MAP2: variants seen among roughly 807,000 people sequenced by gnomAD.
The protein encoded by MAP2 is microtubule associated protein 2.
In MAP2, 14 loss-of-function variants were observed where a neutral mutation model predicts 137.6. That is an observed-to-expected ratio of 0.10 (90% CI 0.07 to 0.16). The LOEUF (loss-of-function observed/expected upper bound fraction) is 0.16, where lower values mean the gene tolerates loss of function less well. MAP2 is among the 10% of genes least tolerant of loss of function. The probability of loss-of-function intolerance (pLI) is 1.00; values close to 1 mark genes in which losing one functional copy is unlikely to be tolerated. For missense variants in MAP2, 2,088 were observed against 2,191.5 expected, an observed-to-expected ratio of 0.95 and a Z score of 0.94; for synonymous variants, 786 against 782.3, an observed-to-expected ratio of 1.00 and a Z score of -0.08.
intron 1 of MAP2, among the ~76,000 whole-genome samples, chr2:209,498,919 T>G (rs1387184139): frequency 6.6e-6 from 1 of 152,200 alleles, no homozygotes; most frequent in Non-Finnish European, 1.5e-5. Flanking sequence ...CTTTTTCCCA[T>G]TATCTTGGCT....
intron 2 of MAP2, among the ~76,000 whole-genome samples, chr2:209,542,220 TAAAAG>T (rs2067180840): frequency 6.6e-6 from 1 of 152,232 alleles, no homozygotes; most frequent in African/African-American, 2.4e-5. Context: ...AGTAACCTTT[TAAAAG>T]AAATCTTTTT....
At chr2:209,447,668 C>G (rs1699386517) in intron 1 of MAP2, among the ~76,000 whole-genome samples, 1 of 151,888 alleles carries the variant, frequency 6.6e-6, no homozygotes, top group Non-Finnish European at 1.5e-5. Context: ...TGTTGCTAAC[C>G]CCAAGGATCC....
At chr2:209,730,104 A>G in intron 15 of MAP2, 78 bp from the exon 16 acceptor site, 1 of 1,267,710 alleles carries the variant, frequency 7.9e-7, no homozygotes, top group Non-Finnish European at 1.1e-6. Context: ...CATTAATGTC[A>G]GCCCTGGGAG....
intron 2 of MAP2, among the ~76,000 whole-genome samples, chr2:209,520,313 C>A (rs1164595079): frequency 6.6e-6 from 1 of 152,028 alleles, no homozygotes; most frequent in African/African-American, 2.4e-5. Flanking sequence ...ACAGCTAAAT[C>A]CATATGCTCT....
At chr2:209,528,625 G>C (rs1046943500) in intron 2 of MAP2, among the ~76,000 whole-genome samples, 8 of 151,846 alleles carry the variant, frequency 5.3e-5, no homozygotes, top group African/African-American at 1.9e-4. Context: ...TTTCACTGTA[G>C]CTGAAAGAGC....
At chr2:209,432,218 A>T (rs905508597) in intron 1 of MAP2, among the ~76,000 whole-genome samples, 10 of 152,154 alleles carry the variant, frequency 6.6e-5, no homozygotes, top group African/African-American at 2.4e-4. Context: ...ATTTTTAGCT[A>T]AGAAGAAGTA....
At chr2:209,426,683 T>C (rs1692669838) in intron 1 of MAP2, among the ~76,000 whole-genome samples, 1 of 152,220 alleles carries the variant, frequency 6.6e-6, no homozygotes. Flanking sequence ...CAAAAGCCTT[T>C]CTCTTCCCAT....
chr2:209,581,920 T>C (rs56023260), intron 3 of MAP2, among the ~76,000 whole-genome samples: 26,225 of 151,952 alleles, frequency 0.17, 3,309 homozygotes, highest in African/African-American at 0.35. Context: ...AAAATGCATA[T>C]AATAAAAAAT....
At chr2:209,489,904 C>T (rs955918898) in intron 1 of MAP2, among the ~76,000 whole-genome samples, 2 of 152,100 alleles carry the variant, frequency 1.3e-5, no homozygotes, top group Non-Finnish European at 2.9e-5. Flanking sequence ...CCCAACCTAG[C>T]AAGACAGGCC....
intron 3 of MAP2, among the ~76,000 whole-genome samples, chr2:209,624,219 A>T (rs1170292398): frequency 6.6e-6 from 1 of 152,192 alleles, no homozygotes; most frequent in Non-Finnish European, 1.5e-5. Context: ...TTCCTAGAAG[A>T]TATGACGGGG....
rs527532153 is a variant in MAP2 at position 209,552,598 on chromosome 2, C to T, written c.-171-27438C>T. On this transcript the variant is annotated intron_variant, in intron 2 of 15. Coordinates refer to ENST00000682079, the MANE Select transcript of MAP2 (RefSeq NM_001375505.1). ...TACTTACTGGCCGGGTGGAGTGGCT[C>T]ATGCCTGTAATCCCAGCACTTTGGG... Among the ~76,000 whole-genome samples, 21 of 152,300 alleles carry T rather than the reference C, an allele frequency of 1.4e-4. No individual in the cohort carries two copies. In the East Asian group the frequency reaches 3.7e-3, roughly 27 times the overall value.
At position 209,710,253 on chromosome 2, in the gene MAP2, A is replaced by G; in HGVS notation, c.5072A>G (p.Gln1691Arg). Reference sequence around the variant, plus strand: ...ATCAAATACCAGCCTAAAGGGGGGCAGGTAAGAATTGCATGAACACATATT... The same window carrying G: ...ATCAAATACCAGCCTAAAGGGGGGCGGGTAAGAATTGCATGAACACATATT... ...DNIKYQPKGG[Q>R]VQIVTKKIDL... is the part of the protein sequence containing the mutation. The change falls in exon 13 of 16, where the codon CAG becomes CGG. Residue 1691 changes from glutamine to arginine, a missense_variant and splice_region_variant. Physicochemically the swap from Gln to Arg is conservative, Grantham distance 43. Around this residue, in one of 6 missense-constraint regions of MAP2, gnomAD observed 112 missense variants for 201.0 expected, o/e 0.56. Coordinates refer to ENST00000682079, the MANE Select transcript of MAP2 (RefSeq NM_001375505.1). The G allele has an allele frequency of 6.4e-6, 10 of 1,564,524 alleles. No individual in the cohort carries two copies. The highest frequency in any genetic ancestry group is 8.7e-6 in the Non-Finnish European group (10 of 1,153,244).
At chr2:209,631,015 A>AAAAAAAAAAAAAC (rs1375373328) in intron 4 of MAP2, among the ~76,000 whole-genome samples, 1 of 118,968 alleles carries the variant, frequency 8.4e-6, no homozygotes, top group African/African-American at 3.1e-5. Flanking sequence ...CAAAAAAAAA[A>AAAAAAAAAAAAAC]AAAAAAAAAA....
At chr2:209,479,692 T>C (rs969777593) in intron 1 of MAP2, among the ~76,000 whole-genome samples, 2 of 152,148 alleles carry the variant, frequency 1.3e-5, no homozygotes, top group African/African-American at 4.8e-5. Flanking sequence ...TGGCTTGAGA[T>C]AGAAAATAGC....
At chr2:209,714,817 T>C (rs751611226) in intron 13 of MAP2, among the ~76,000 whole-genome samples, 11 of 152,216 alleles carry the variant, frequency 7.2e-5, no homozygotes, top group Non-Finnish European at 1.6e-4. Context: ...CTTCCATGGC[T>C]GAGCTGTGAA....
At chr2:209,518,339 T>C (rs780900167) in intron 2 of MAP2, among the ~76,000 whole-genome samples, 1 of 152,060 alleles carries the variant, frequency 6.6e-6, no homozygotes, top group Non-Finnish European at 1.5e-5. Context: ...AGAGAAGATA[T>C]AATTGATTTT....
Position 209,696,214 on chromosome 2 carries a change from A to G in MAP2, c.4044A>G (p.Pro1348=). 6.2e-7 allele frequency: 1 copy of G among 1,613,854 alleles called. No individual in the cohort carries two copies. The highest frequency in any genetic ancestry group is 1.1e-5 in the South Asian group (1 of 91,042). Residue 1348 remains proline (P), a synonymous_variant, in exon 8 of 16, where the codon CCA becomes CCG. Transcript: ENST00000682079. The part of the protein sequence containing the change: ...EAQAEPKDGS[P]EAPASPEREE... ...AGGCAGAACCCAAAGATGGTTCCCCAGAGGCTCCAGCTTCCCCTGAGAGAG... is the reference window on the plus strand; with the variant it reads ...AGGCAGAACCCAAAGATGGTTCCCCGGAGGCTCCAGCTTCCCCTGAGAGAG...
intron 5 of MAP2, among the ~76,000 whole-genome samples, chr2:209,660,701 A>ATTATT (rs2043102437): frequency 9.6e-6 from 1 of 104,440 alleles, no homozygotes; most frequent in Non-Finnish European, 1.9e-5. Context: ...GGCCTGCTGC[A>ATTATT]ATTATTATTA....
chr2:209,564,483 T>C (rs2072926419), intron 2 of MAP2, among the ~76,000 whole-genome samples: 1 of 150,834 alleles, frequency 6.6e-6, no homozygotes, highest in Non-Finnish European at 1.5e-5. Flanking sequence ...ACTGATGGCT[T>C]ACCTCTAGAC....
Sources: allele counts gnomAD v4.1 joint callset (sites outside exome capture counted in the v4.1 genomes callset), GRCh38; gene constraint gnomAD v4.1.1; regional missense constraint gnomAD v4.1.1; transcripts MANE v1.5; gene names NCBI Gene and HGNC (gene_info 2026-07-23, HGNC 2026-07-21).